MLLT3: variants seen among roughly 807,000 people sequenced by gnomAD.
MLLT3 encodes MLLT3 super elongation complex subunit, also known as protein AF-9.
MLLT3 carries 4 observed loss-of-function variants against 53.2 expected under a neutral mutation model. That is an observed-to-expected ratio of 0.08 (90% CI 0.04 to 0.17). MLLT3 has a LOEUF of 0.17. MLLT3 is among the 10% of genes least tolerant of loss of function. MLLT3 has a pLI of 1.00. For missense variants in MLLT3, 569 were observed against 684.0 expected (o/e 0.83, Z 1.87); for synonymous variants, 283 against 230.6 (o/e 1.23, Z -2.06).
chr9:20,588,417 G>A (rs1212853200), intron 2 of MLLT3, among the ~76,000 whole-genome samples: 2 of 151,810 alleles, frequency 1.3e-5, no homozygotes, highest in South Asian at 2.1e-4. Context: ...CATTGAATCT[G>A]TAAATTACCT....
chr9:20,467,103 A>C (rs1824255670), intron 2 of MLLT3, among the ~76,000 whole-genome samples: 1 of 152,122 alleles, frequency 6.6e-6, no homozygotes, highest in Non-Finnish European at 1.5e-5. Context: ...AATAAGAGGG[A>C]GGTTAAAAAA....
intron 9 of MLLT3, among the ~76,000 whole-genome samples, chr9:20,354,437 G>A (rs987061622): frequency 6.6e-6 from 1 of 152,236 alleles, no homozygotes; most frequent in Non-Finnish European, 1.5e-5. Flanking sequence ...TCAGGTTTCA[G>A]AAGCATGACG....
chr9:20,580,967 C>G (rs956172738), intron 2 of MLLT3, among the ~76,000 whole-genome samples: 4 of 152,218 alleles, frequency 2.6e-5, no homozygotes, highest in Admixed American at 6.5e-5. Flanking sequence ...ACAAGCAATG[C>G]ATGCCAAGCT....
At chr9:20,491,160 A>T (rs572394434) in intron 2 of MLLT3, among the ~76,000 whole-genome samples, 1 of 152,302 alleles carries the variant, frequency 6.6e-6, no homozygotes, top group African/African-American at 2.4e-5. Context: ...CTAAAAATAA[A>T]TTCAAACCTA....
chr9:20,603,481 A>G (rs573653504), intron 2 of MLLT3, among the ~76,000 whole-genome samples: 62 of 152,200 alleles, frequency 4.1e-4, no homozygotes, highest in South Asian at 1.7e-3. Context: ...ATACAACAAA[A>G]TTCTCAATGT....
At chr9:20,449,059 A>G (rs900685389) in intron 3 of MLLT3, among the ~76,000 whole-genome samples, 5 of 151,988 alleles carry the variant, frequency 3.3e-5, no homozygotes, top group Non-Finnish European at 7.4e-5. Flanking sequence ...ACTTCTCACC[A>G]TTCCTAACTC....
At chr9:20,456,849 TAA>T in intron 2 of MLLT3, 63 bp from the exon 3 acceptor site, 10 of 1,082,974 alleles carry the variant, frequency 9.2e-6, no homozygotes, top group East Asian at 3.0e-5. Flanking sequence ...ATTCTTCTTT[TAA>T]AAAAAAAAAT....
At chr9:20,569,119 A>C (rs537481628) in intron 2 of MLLT3, among the ~76,000 whole-genome samples, 1 of 152,286 alleles carries the variant, frequency 6.6e-6, no homozygotes, top group African/African-American at 2.4e-5. Context: ...AAGGGGAACA[A>C]ATGATTGTAA....
At chr9:20,619,978 T>C (rs1394318051) in intron 2 of MLLT3, among the ~76,000 whole-genome samples, 3 of 152,138 alleles carry the variant, frequency 2.0e-5, no homozygotes, top group African/African-American at 4.8e-5. Flanking sequence ...CTTTGGAACG[T>C]TGCTCAGAAT....
At chr9:20,485,930 G>A (rs1383791193) in intron 2 of MLLT3, among the ~76,000 whole-genome samples, 2 of 152,136 alleles carry the variant, frequency 1.3e-5, no homozygotes, top group African/African-American at 4.8e-5. Flanking sequence ...CAGACTTCAC[G>A]TGGTCTAAAC....
chr9:20,607,161 A>T (rs1239615726), intron 2 of MLLT3, among the ~76,000 whole-genome samples: 3 of 152,056 alleles, frequency 2.0e-5, no homozygotes, highest in Admixed American at 2.0e-4. Flanking sequence ...GCAATACTCA[A>T]ACCAGGTCTT....
At chr9:20,537,099 A>G (rs1242703234) in intron 2 of MLLT3, among the ~76,000 whole-genome samples, 1 of 152,260 alleles carries the variant, frequency 6.6e-6, no homozygotes, top group East Asian at 1.9e-4. Flanking sequence ...TTAAGGCCAT[A>G]TATGAGCTGT....
At chr9:20,353,227 C>G (rs1265586574) in intron 10 of MLLT3, among the ~76,000 whole-genome samples, 1 of 152,178 alleles carries the variant, frequency 6.6e-6, no homozygotes, top group Non-Finnish European at 1.5e-5. Flanking sequence ...CTGTCCCCTC[C>G]CTGAGCCCAC....
chr9:20,602,581 G>A (rs1820453550), intron 2 of MLLT3, among the ~76,000 whole-genome samples: 1 of 152,118 alleles, frequency 6.6e-6, no homozygotes, highest in Non-Finnish European at 1.5e-5. Flanking sequence ...GTGCTCAGGA[G>A]TGACAGTCAA....
chr9:20,474,344 G>A (rs1330693246), intron 2 of MLLT3, among the ~76,000 whole-genome samples: 1 of 152,222 alleles, frequency 6.6e-6, no homozygotes, highest in East Asian at 1.9e-4. Context: ...ATTAGCTTGT[G>A]TAGATATTAA....
At chr9:20,541,936 T>G (rs1340901836) in intron 2 of MLLT3, among the ~76,000 whole-genome samples, 1 of 152,236 alleles carries the variant, frequency 6.6e-6, no homozygotes, top group African/African-American at 2.4e-5. Context: ...CCTGTTCATG[T>G]TGATATTTTG....
chr9:20,571,769 A>C (rs2131164624), intron 2 of MLLT3, among the ~76,000 whole-genome samples: 1 of 152,372 alleles, frequency 6.6e-6, no homozygotes, highest in Admixed American at 6.5e-5. Context: ...AGGTATGTGA[A>C]AAAAATGCTC....
chr9:20,467,953 G>C (rs1212612842), intron 2 of MLLT3, among the ~76,000 whole-genome samples: 4 of 152,164 alleles, frequency 2.6e-5, no homozygotes. Flanking sequence ...TTGCGGAAGA[G>C]GCAGGTATGT....
At chr9:20,483,957 C>T (rs549264311) in intron 2 of MLLT3, among the ~76,000 whole-genome samples, 177 of 151,980 alleles carry the variant, frequency 1.2e-3, no homozygotes, top group Non-Finnish European at 1.6e-3. Flanking sequence ...ATGATCCGCC[C>T]GCCTTGGCCT....
Sources: allele counts gnomAD v4.1 joint callset (sites outside exome capture counted in the v4.1 genomes callset), GRCh38; gene constraint gnomAD v4.1.1; transcripts MANE v1.5; gene names NCBI Gene and HGNC (gene_info 2026-07-23, HGNC 2026-07-21).